Variants in BIK observed in about 807,000 individuals in gnomAD.
The protein encoded by BIK is bcl-2-interacting killer.
In BIK, 14 loss-of-function variants were observed where a neutral mutation model predicts 12.1. That is an observed-to-expected ratio of 1.16 (90% confidence interval 0.77 to 1.81). The LOEUF (loss-of-function observed/expected upper bound fraction) is 1.81. Among genes scored for constraint, BIK ranks in the 40% most tolerant of loss-of-function variants. The pLI is 0.00. For missense variants in BIK, 215 were observed against 207.9 expected (o/e 1.03, Z -0.21); for synonymous variants, 86 against 92.3 (o/e 0.93, Z 0.39).
intron 1 of BIK, among the ~76,000 whole-genome samples, chr22:43,122,264 G>T (rs1195191193): frequency 6.6e-6 from 1 of 152,204 alleles, no homozygotes; most frequent in African/African-American, 2.4e-5. Context: ...CTGTCAGCAG[G>T]CATGAGGAAT....
chr22:43,119,933 C>G (rs1422507809), intron 1 of BIK, among the ~76,000 whole-genome samples: 1 of 152,102 alleles, frequency 6.6e-6, no homozygotes, highest in Non-Finnish European at 1.5e-5. Flanking sequence ...CAGGCCACTG[C>G]ACTCCAGCCT....
chr22:43,116,115 C>T (rs1930108520), intron 1 of BIK, among the ~76,000 whole-genome samples: 1 of 152,142 alleles, frequency 6.6e-6, no homozygotes, highest in Non-Finnish European at 1.5e-5. Context: ...CAGGTGGTGG[C>T]TTGGCATTCT....
At chr22:43,119,450 A>G (rs1034308175) in intron 1 of BIK, among the ~76,000 whole-genome samples, 5 of 152,166 alleles carry the variant, frequency 3.3e-5, no homozygotes, top group African/African-American at 9.7e-5. Flanking sequence ...CCAGAAACTG[A>G]TAAGAGCAGC....
intron 1 of BIK, among the ~76,000 whole-genome samples, chr22:43,115,193 G>A (rs945544785): frequency 6.6e-6 from 1 of 152,194 alleles, no homozygotes; most frequent in Non-Finnish European, 1.5e-5. Flanking sequence ...CAGATGAGGA[G>A]CATTTAATTC....
intron 1 of BIK, among the ~76,000 whole-genome samples, chr22:43,111,454 G>T (rs1005289319): frequency 8.5e-5 from 13 of 152,170 alleles, no homozygotes; most frequent in African/African-American, 2.7e-4. Context: ...CTAGAGCCCG[G>T]CTGGGGCATG....
intron 1 of BIK, 25 bp from the exon 2 acceptor site, chr22:43,123,991 G>A: frequency 1.2e-6 from 2 of 1,612,918 alleles, no homozygotes; most frequent in Non-Finnish European, 1.7e-6. Flanking sequence ...TAGGGGTCCA[G>A]TCATATGCTG....
rs4988438 is a variant in BIK at position 43,128,481 on chromosome 22, CCT to C, written c.261-12_261-11del. On this transcript the variant is annotated splice_polypyrimidine_tract_variant and intron_variant, in intron 3 of 4. Coordinates refer to ENST00000216115, the MANE Select transcript of BIK (RefSeq NM_001197.5). Reference sequence around the variant, plus strand: ...TGCAGTAATGGCTTTGTCCCCCCATCCTCTTTGTCTATAGCCTGGGTCTGGCT... The same window carrying C: ...TGCAGTAATGGCTTTGTCCCCCCATCCTTTGTCTATAGCCTGGGTCTGGCT... 1,011,184 of 1,611,618 alleles carry C rather than the reference CCT, an allele frequency of 0.63. 329,918 individuals are homozygous for C. The highest frequency in any genetic ancestry group is 0.68 in the Non-Finnish European group (795,366 of 1,177,898).
chr22:43,125,080 G>A (rs1020299951), intron 2 of BIK, among the ~76,000 whole-genome samples: 9 of 152,266 alleles, frequency 5.9e-5, no homozygotes, highest in African/African-American at 1.7e-4. Flanking sequence ...ACTTCCTGAC[G>A]TTGCCGTGGC....
intron 1 of BIK, among the ~76,000 whole-genome samples, chr22:43,112,559 CT>C (rs1407930014): frequency 6.6e-6 from 1 of 151,706 alleles, no homozygotes; most frequent in African/African-American, 2.4e-5. Flanking sequence ...ACGTGAGCCC[CT>C]ATGCCTGGCC....
At position 43,129,476 on chromosome 22, in the gene BIK, T is replaced by C. The variant is rs1930397936; in HGVS notation, c.*171T>C. On this transcript the variant is annotated 3_prime_UTR_variant, in exon 5 of 5. Coordinates refer to ENST00000216115, the MANE Select transcript of BIK (RefSeq NM_001197.5). ...GTTTTATACTCAGGTTTTTTGTTTT[T>C]TTTTTATTCCAGTTTTCGTTTTTTC... 1 of 1,167,602 alleles carries C rather than the reference T, an allele frequency of 8.6e-7. No individual in the cohort carries two copies. Among genetic ancestry groups the C allele is most frequent in the Non-Finnish European group, 1.2e-6 (1 of 865,448 alleles). 72.3% of individuals were successfully genotyped at this position (1,167,602 alleles called of 1,614,324 possible).
intron 3 of BIK, among the ~76,000 whole-genome samples, 156 bp from the exon 4 acceptor site, chr22:43,128,340 C>T (rs574507845): frequency 6.6e-6 from 1 of 152,304 alleles, no homozygotes; most frequent in Admixed American, 6.5e-5. Flanking sequence ...GCGGCCCCTG[C>T]AGGTGGAGGC....
chr22:43,125,693 G>C (rs141416834), intron 2 of BIK, among the ~76,000 whole-genome samples: 1 of 152,016 alleles, frequency 6.6e-6, no homozygotes, highest in Admixed American at 6.6e-5. Flanking sequence ...CTGCACTCCA[G>C]CCTGGGTAAC....
intron 2 of BIK, 22 bp from the exon 3 acceptor site, chr22:43,127,675 C>T: frequency 6.5e-7 from 1 of 1,541,372 alleles, no homozygotes. Flanking sequence ...CCACACCCGA[C>T]TCCTGTGTGT....
intron 1 of BIK, among the ~76,000 whole-genome samples, chr22:43,115,279 G>C (rs571491865): frequency 6.6e-6 from 1 of 152,106 alleles, no homozygotes; most frequent in African/African-American, 2.4e-5. Context: ...TGCCTGCCTG[G>C]GGGATGTTGG....
At position 43,129,256 on chromosome 22, in the gene BIK, C is replaced by CTGCTGCTGCCGGT. The variant is rs1569468807; in HGVS notation, c.434_435insTGCTGCTGCCGGT (p.Leu146AlafsTer34). ...CTGCTGGCGCTGCTGCTGCTGCTGG[C>CTGCTGCTGCCGGT]GCTGCTGCTGCCGCTGCTCAGCGGG... On this transcript the variant is annotated frameshift_variant, in exon 5 of 5. Coordinates refer to ENST00000216115, the MANE Select transcript of BIK (RefSeq NM_001197.5). LOFTEE classifies it low-confidence loss of function (END_TRUNC). 1.3e-6 allele frequency: 2 copies of CTGCTGCTGCCGGT among 1,593,278 alleles called. No homozygotes were observed. Among genetic ancestry groups the CTGCTGCTGCCGGT allele is most frequent in the Admixed American group, 3.4e-5 (2 of 59,560 alleles).
At chr22:43,119,853 C>G (rs894365820) in intron 1 of BIK, among the ~76,000 whole-genome samples, 3 of 152,062 alleles carry the variant, frequency 2.0e-5, no homozygotes, top group Non-Finnish European at 4.4e-5. Flanking sequence ...ACATACCTGT[C>G]GAGTTACCCT....
intron 1 of BIK, among the ~76,000 whole-genome samples, chr22:43,115,045 T>A (rs1930084303): frequency 6.6e-6 from 1 of 152,174 alleles, no homozygotes; most frequent in African/African-American, 2.4e-5. Context: ...CTCACCGGCT[T>A]TCACTGGGTC....
intron 1 of BIK, among the ~76,000 whole-genome samples, chr22:43,122,959 AAGGGATGCTGGGAAGCTGAGGGAGAGG>A (rs1349845297): frequency 6.6e-6 from 1 of 152,138 alleles, no homozygotes; most frequent in African/African-American, 2.4e-5. Flanking sequence ...CACCAGCTGC[AAGGGATGCTGGGAAGCTGAGGGAGAGG>A]AGGGCCATGG....
At chr22:43,124,551 A>G (rs568096044) in intron 2 of BIK, among the ~76,000 whole-genome samples, 1 of 152,338 alleles carries the variant, frequency 6.6e-6, no homozygotes, top group Admixed American at 6.5e-5. Flanking sequence ...GTTGCCAGAA[A>G]GGGGACCCGA....
Sources: allele counts gnomAD v4.1 joint callset (sites outside exome capture counted in the v4.1 genomes callset), GRCh38; gene constraint gnomAD v4.1.1; transcripts MANE v1.5; gene names NCBI Gene and HGNC (gene_info 2026-07-23, HGNC 2026-07-21).